The following DENND1B variants were observed in gnomAD, a reference collection of about 807,000 sequenced individuals.
DENND1B encodes the protein DENN domain containing 1B.
A neutral mutation model predicts 90.1 loss-of-function variants in DENND1B; 59 were observed. The ratio of observed to expected loss-of-function variants is 0.65; its 90% CI spans 0.53 to 0.81. The LOEUF (loss-of-function observed/expected upper bound fraction) is 0.81, where lower values mean the gene tolerates loss of function less well. Among genes scored for constraint, DENND1B ranks in the 40% least tolerant of loss-of-function variants. The pLI, the probability that DENND1B is intolerant of heterozygous loss-of-function variation, is 0.00. For missense variants in DENND1B, 862 were observed against 912.6 expected (o/e 0.94, Z 0.71); for synonymous variants, 337 against 324.6 (o/e 1.04, Z -0.41).
At chr1:197,658,690 A>AT (rs1245648472) in intron 5 of DENND1B, among the ~76,000 whole-genome samples, 6 of 151,526 alleles carry the variant, frequency 4.0e-5, no homozygotes, top group Non-Finnish European at 8.9e-5. Flanking sequence ...AAAAAATCAT[A>AT]TAAAAACTAG....
At chr1:197,619,756 G>A (rs1264074859) in intron 10 of DENND1B, among the ~76,000 whole-genome samples, 1 of 151,014 alleles carries the variant, frequency 6.6e-6, no homozygotes, top group Non-Finnish European at 1.5e-5. Flanking sequence ...TTAGTTATTC[G>A]CTAACAAAAT....
At chr1:197,528,213 T>A (rs1379696274) in intron 20 of DENND1B, among the ~76,000 whole-genome samples, 1 of 152,160 alleles carries the variant, frequency 6.6e-6, no homozygotes, top group East Asian at 1.9e-4. Flanking sequence ...ATTTATTATA[T>A]ATAAAAATAA....
At chr1:197,587,584 T>A (rs755190935) in intron 14 of DENND1B, among the ~76,000 whole-genome samples, 1 of 152,164 alleles carries the variant, frequency 6.6e-6, no homozygotes, top group Non-Finnish European at 1.5e-5. Flanking sequence ...ATATATCTTA[T>A]CTGTGAACTC....
chr1:197,672,189 C>G, intron 4 of DENND1B, 33 bp from the exon 5 acceptor site: 1 of 1,549,770 alleles, frequency 6.5e-7, no homozygotes, highest in Non-Finnish European at 8.7e-7. Flanking sequence ...AACATTGTGC[C>G]TTGTTTGACA....
intron 2 of DENND1B, among the ~76,000 whole-genome samples, chr1:197,770,224 C>G (rs1253296797): frequency 6.6e-6 from 1 of 152,112 alleles, no homozygotes; most frequent in Non-Finnish European, 1.5e-5. Context: ...AAGAAGCCAA[C>G]ATTATTTACT....
intron 5 of DENND1B, 149 bp from the exon 6 acceptor site, chr1:197,658,518 T>A (rs1654078625): frequency 3.8e-6 from 2 of 524,524 alleles, no homozygotes; most frequent in Admixed American, 6.9e-5. Flanking sequence ...TTCAGCAAAG[T>A]TTTACATATT....
intron 10 of DENND1B, among the ~76,000 whole-genome samples, chr1:197,621,897 T>C (rs1678203864): frequency 6.6e-6 from 1 of 151,480 alleles, no homozygotes; most frequent in South Asian, 2.1e-4. Flanking sequence ...ATATTTAAAA[T>C]GCACATATAT....
At chr1:197,769,136 A>T (rs149305154) in intron 2 of DENND1B, among the ~76,000 whole-genome samples, 69 of 152,348 alleles carry the variant, frequency 4.5e-4, no homozygotes, top group Non-Finnish European at 5.6e-4. Flanking sequence ...CTTAGTATAA[A>T]CCAAATTTAC....
intron 2 of DENND1B, chr1:197,734,595 C>T (rs1662462387): frequency 1.0e-4 from 98 of 980,896 alleles, no homozygotes; most frequent in Non-Finnish European, 1.2e-4. Flanking sequence ...AAATTGACTG[C>T]AATACATTAC....
chr1:197,746,138 T>C (rs1663724385), intron 2 of DENND1B, among the ~76,000 whole-genome samples: 1 of 152,214 alleles, frequency 6.6e-6, no homozygotes, highest in African/African-American at 2.4e-5. Context: ...ATGCCTGTAA[T>C]CCCAGCACTT....
At chr1:197,529,298 A>G (rs1332006261) in intron 20 of DENND1B, among the ~76,000 whole-genome samples, 2 of 144,566 alleles carry the variant, frequency 1.4e-5, no homozygotes, top group Admixed American at 7.0e-5. Context: ...ATATGTATAT[A>G]TGTGTATATA....
intron 2 of DENND1B, among the ~76,000 whole-genome samples, chr1:197,747,749 T>C (rs564932735): frequency 6.6e-6 from 1 of 152,322 alleles, no homozygotes; most frequent in African/African-American, 2.4e-5. Flanking sequence ...TACATGCTAC[T>C]TGGGTTTCCT....
intron 2 of DENND1B, among the ~76,000 whole-genome samples, chr1:197,722,326 TGGAGCTAG>T (rs1181481150): frequency 4.6e-5 from 7 of 152,100 alleles, no homozygotes; most frequent in Admixed American, 2.0e-4. Flanking sequence ...ATCCTGTGTC[TGGAGCTAG>T]TAACTATTGA....
At chr1:197,665,399 T>G (rs1399877429) in intron 5 of DENND1B, among the ~76,000 whole-genome samples, 1 of 152,162 alleles carries the variant, frequency 6.6e-6, no homozygotes, top group East Asian at 1.9e-4. Flanking sequence ...TATACAAATG[T>G]TCTAGCTTAG....
intron 2 of DENND1B, among the ~76,000 whole-genome samples, chr1:197,768,957 T>C (rs1487190614): frequency 6.6e-6 from 1 of 152,162 alleles, no homozygotes; most frequent in Non-Finnish European, 1.5e-5. Flanking sequence ...CTTTATCAAG[T>C]TATATTTTAA....
At chr1:197,613,471 A>G (rs4915557) in intron 11 of DENND1B, among the ~76,000 whole-genome samples, 24,194 of 150,334 alleles carry the variant, frequency 0.16, 2,230 homozygotes, top group Non-Finnish European at 0.2. Flanking sequence ...TTGATCTGAT[A>G]TTCTGGATAC....
intron 18 of DENND1B, among the ~76,000 whole-genome samples, chr1:197,544,756 AGAAGAG>A (rs1351029662): frequency 2.0e-4 from 30 of 148,540 alleles, no homozygotes; most frequent in African/African-American, 7.2e-4. Context: ...AGGAGAAAGA[AGAAGAG>A]GAAGAGGACG....
At chr1:197,660,403 C>T (rs540038560) in intron 5 of DENND1B, among the ~76,000 whole-genome samples, 8 of 151,928 alleles carry the variant, frequency 5.3e-5, no homozygotes, top group Middle Eastern at 3.4e-3. Context: ...ACTATCAGGC[C>T]ATCAATCTCA....
At chr1:197,606,367 G>T (rs1676683529) in intron 13 of DENND1B, 1 of 151,070 alleles carries the variant, frequency 6.6e-6, no homozygotes. Context: ...ATTTCAAAAG[G>T]ATCAGATGTC....
Sources: gnomAD v4.1 joint callset for allele counts (sites outside exome capture counted in the v4.1 genomes callset) on GRCh38, gnomAD v4.1.1 for gene constraint, MANE v1.5 for transcripts, NCBI Gene and HGNC (gene_info 2026-07-23, HGNC 2026-07-21) for gene names.